Variants in CSMD1 observed in about 807,000 individuals in gnomAD.
CSMD1 encodes CUB and sushi domain-containing protein 1.
CSMD1 carries 213 observed loss-of-function variants against 417.5 expected under a neutral mutation model. The ratio of observed to expected loss-of-function variants is 0.51; its 90% confidence interval spans 0.46 to 0.57. The LOEUF is 0.57. Among genes scored for constraint, CSMD1 ranks in the 20% least tolerant of loss-of-function variants. The pLI is 0.00. For synonymous variants in CSMD1, 2,862 were observed against 1,736.8 expected (o/e 1.65, Z -16.11); for missense variants, 6,923 against 4,529.7 (o/e 1.53, Z -15.17).
intron 25 of CSMD1, among the ~76,000 whole-genome samples, chr8:3,300,639 G>T (rs181671959): frequency 2.6e-5 from 4 of 151,998 alleles, no homozygotes; most frequent in Non-Finnish European, 5.9e-5. Flanking sequence ...AAGACTACTT[G>T]TCACATCATT....
At chr8:3,986,904 G>A (rs980425757) in intron 5 of CSMD1, among the ~76,000 whole-genome samples, 2 of 151,974 alleles carry the variant, frequency 1.3e-5, no homozygotes, top group Non-Finnish European at 2.9e-5. Flanking sequence ...GCAGGTGCAC[G>A]CCACCATGCC....
At chr8:3,442,786 T>A (rs1815072730) in intron 12 of CSMD1, among the ~76,000 whole-genome samples, 1 of 152,192 alleles carries the variant, frequency 6.6e-6, no homozygotes, top group Non-Finnish European at 1.5e-5. Context: ...TTGCTACCAT[T>A]AAGAATTTTT....
chr8:3,396,225 G>A lies in CSMD1; in HGVS notation c.2562C>T (p.Arg854=), dbSNP rs372780899. ...MYLLFTTDNS[R]SSIGFLIHYE... ...AGTGGATGAGGAAGCCGATGCTGGA[G>A]CGGCTGTTGTCAGTGGTGAACAGCA... Residue 854 remains arginine (R), a synonymous_variant, in exon 17 of 70, where the codon CGC becomes CGT. Coordinates refer to ENST00000635120, the MANE Select transcript of CSMD1 (RefSeq NM_033225.6). 6.4e-7 allele frequency: 1 copy of A among 1,568,756 alleles called. No homozygotes were observed. Among genetic ancestry groups the A allele is most frequent in the Non-Finnish European group, 8.6e-7 (1 of 1,156,858 alleles).
chr8:3,555,177 T>C (rs1799090001), intron 10 of CSMD1, among the ~76,000 whole-genome samples: 1 of 151,270 alleles, frequency 6.6e-6, no homozygotes, highest in African/African-American at 2.4e-5. Context: ...TGGGGAGAAA[T>C]GTGTCTGGGA....
intron 26 of CSMD1, among the ~76,000 whole-genome samples, chr8:3,233,897 G>A (rs1798997923): frequency 6.6e-6 from 1 of 152,094 alleles, no homozygotes; most frequent in South Asian, 2.1e-4. Flanking sequence ...GAGGCATTTT[G>A]GATCCCAGGG....
At chr8:3,622,332 G>A (rs1464521909) in intron 7 of CSMD1, among the ~76,000 whole-genome samples, 3 of 152,160 alleles carry the variant, frequency 2.0e-5, no homozygotes, top group African/African-American at 7.2e-5. Context: ...TATCATTGAT[G>A]TTTGTCAGAA....
chr8:3,517,232 C>A (rs948309536), intron 10 of CSMD1, among the ~76,000 whole-genome samples: 4 of 152,266 alleles, frequency 2.6e-5, no homozygotes, highest in South Asian at 4.1e-4. Flanking sequence ...TTAATAAAAT[C>A]TGTGATTAGA....
At chr8:2,950,446 G>A (rs1213887192) in intron 66 of CSMD1, 103 bp from the exon 67 acceptor site, 23 of 703,796 alleles carry the variant, frequency 3.3e-5, no homozygotes, top group South Asian at 6.8e-5. Context: ...TAATATCATC[G>A]ATAATAGAAA....
chr8:3,655,665 T>C (rs1430508699), intron 7 of CSMD1, among the ~76,000 whole-genome samples: 5 of 150,970 alleles, frequency 3.3e-5, no homozygotes, highest in Non-Finnish European at 5.9e-5. Context: ...TTGCGTTTTT[T>C]TTTTTTTTTT....
rs541040390 is a variant in CSMD1, at chr8:4,266,535, C to G, written c.415+153418G>C. Among the ~76,000 whole-genome samples the G allele has an allele frequency of 1.9e-5, 2 of 104,700 alleles. 1 individual carries two copies. The highest frequency in any genetic ancestry group is 5.1e-5 in the Non-Finnish European group (2 of 38,920). The allele number at this position is 104,700 out of a possible 152,430, so 68.7% of individuals were successfully genotyped here. A position where few individuals can be genotyped will look rare whatever the true frequency, so the allele number is the denominator to read the frequency against. On this transcript the variant is annotated intron_variant, in intron 3 of 69. Transcript: ENST00000635120. ...TTAAAAAGTAGAACAATTTCATACT[C>G]ATGCCTCATATCCTTCCTTCAGAAA...
At chr8:3,944,983 T>C (rs1811125695) in intron 5 of CSMD1, among the ~76,000 whole-genome samples, 1 of 152,156 alleles carries the variant, frequency 6.6e-6, no homozygotes, top group African/African-American at 2.4e-5. Context: ...TAATTATCCA[T>C]CTAATGCGGT....
At chr8:3,149,903 T>A (rs903074970) in intron 40 of CSMD1, among the ~76,000 whole-genome samples, 1 of 152,202 alleles carries the variant, frequency 6.6e-6, no homozygotes, top group East Asian at 1.9e-4. Context: ...CTGATGTTAA[T>A]GACTATAATA....
chr8:3,618,061 G>T (rs1294295323), intron 7 of CSMD1, among the ~76,000 whole-genome samples: 1 of 151,998 alleles, frequency 6.6e-6, no homozygotes, highest in Admixed American at 6.6e-5. Context: ...GAGTGCAGTG[G>T]CACAATCATG....
intron 3 of CSMD1, among the ~76,000 whole-genome samples, chr8:4,241,883 C>T (rs953757592): frequency 2.6e-5 from 4 of 152,006 alleles, no homozygotes; most frequent in Non-Finnish European, 5.9e-5. Flanking sequence ...AAGATGGAGG[C>T]AGAATGCAAG....
At chr8:3,517,984 A>C (rs1209830503) in intron 10 of CSMD1, among the ~76,000 whole-genome samples, 2 of 152,220 alleles carry the variant, frequency 1.3e-5, no homozygotes, top group Non-Finnish European at 2.9e-5. Context: ...ATAAATAATC[A>C]TATAAATCAT....
At chr8:3,833,162 A>T (rs912902500) in intron 5 of CSMD1, among the ~76,000 whole-genome samples, 1 of 152,158 alleles carries the variant, frequency 6.6e-6, no homozygotes, top group Admixed American at 6.6e-5. Context: ...AAATTTCAGG[A>T]AAGTATATAA....
intron 10 of CSMD1, among the ~76,000 whole-genome samples, chr8:3,543,131 C>G (rs981581095): frequency 2.0e-5 from 3 of 152,130 alleles, no homozygotes; most frequent in Non-Finnish European, 2.9e-5. Flanking sequence ...GAAGGATGAT[C>G]CCAGACAGAG....
At chr8:3,995,462 T>C (rs1585099833) in intron 5 of CSMD1, among the ~76,000 whole-genome samples, 1 of 152,334 alleles carries the variant, frequency 6.6e-6, no homozygotes, top group East Asian at 1.9e-4. Flanking sequence ...GGCTTTATGA[T>C]CCAGCCTGTA....
intron 30 of CSMD1, among the ~76,000 whole-genome samples, chr8:3,210,885 A>T (rs1428121884): frequency 6.6e-6 from 1 of 152,106 alleles, no homozygotes; most frequent in Non-Finnish European, 1.5e-5. Context: ...AAAGTACAGA[A>T]TTCATGACCT....
Sources: gnomAD v4.1 joint callset for allele counts (sites outside exome capture counted in the v4.1 genomes callset) on GRCh38, gnomAD v4.1.1 for gene constraint, MANE v1.5 for transcripts, NCBI Gene and HGNC (gene_info 2026-07-23, HGNC 2026-07-21) for gene names.